BABAM2: variants seen among roughly 807,000 people sequenced by gnomAD.
BABAM2 encodes BRISC and BRCA1 A complex member 2.
BABAM2 carries 31 observed loss-of-function variants against 54.7 expected under a neutral mutation model. The ratio of observed to expected loss-of-function variants is 0.57; its 90% confidence interval spans 0.43 to 0.77. BABAM2 has a LOEUF of 0.77. Among genes scored for constraint, BABAM2 ranks in the 30% least tolerant of loss-of-function variants. The pLI is 0.00. For missense variants in BABAM2, 364 were observed against 455.8 expected (o/e 0.80, Z 1.83); for synonymous variants, 167 against 162.9 (o/e 1.03, Z -0.19).
intron 6 of BABAM2, among the ~76,000 whole-genome samples, chr2:28,076,274 A>G (rs532674024): frequency 2.2e-4 from 33 of 152,058 alleles, no homozygotes; most frequent in African/African-American, 7.7e-4. Context: ...ACCCTTTCTC[A>G]AAAAGAAAAG....
chr2:28,243,290 T>C (rs2148074189), intron 9 of BABAM2, among the ~76,000 whole-genome samples: 1 of 152,150 alleles, frequency 6.6e-6, no homozygotes, highest in African/African-American at 2.4e-5. Flanking sequence ...TCCCAGCACT[T>C]TGGGAGGCCG....
chr2:28,102,055 C>G (rs1403048537), intron 6 of BABAM2, among the ~76,000 whole-genome samples: 1 of 152,142 alleles, frequency 6.6e-6, no homozygotes, highest in Non-Finnish European at 1.5e-5. Context: ...GTTTTGAAGG[C>G]TATTTATGAA....
intron 7 of BABAM2, among the ~76,000 whole-genome samples, chr2:28,145,637 A>G (rs1028986796): frequency 3.9e-5 from 6 of 152,172 alleles, no homozygotes; most frequent in Non-Finnish European, 7.4e-5. Context: ...GGTTTTCAGT[A>G]TATTTGCAGA....
intron 4 of BABAM2, among the ~76,000 whole-genome samples, chr2:27,997,220 G>A (rs2148504847): frequency 6.6e-6 from 1 of 152,062 alleles, no homozygotes; most frequent in Admixed American, 6.5e-5. Context: ...ATATTCCTAA[G>A]GTAGAAATAA....
intron 4 of BABAM2, among the ~76,000 whole-genome samples, chr2:28,015,010 A>G (rs370251310): frequency 2.6e-5 from 4 of 152,204 alleles, no homozygotes; most frequent in African/African-American, 7.2e-5. Flanking sequence ...AATATTCATT[A>G]TTATTGAAGT....
At chr2:27,985,700 T>C (rs1573329812) in intron 3 of BABAM2, among the ~76,000 whole-genome samples, 1 of 152,184 alleles carries the variant, frequency 6.6e-6, no homozygotes, top group East Asian at 1.9e-4. Context: ...GGAAGATCAA[T>C]TATATGTACT....
intron 11 of BABAM2, chr2:28,310,087 A>G (rs757220689): frequency 6.2e-7 from 1 of 1,614,228 alleles, no homozygotes; most frequent in East Asian, 2.2e-5. Context: ...TACAGAAGAG[A>G]GAGCAACAGA....
intron 7 of BABAM2, among the ~76,000 whole-genome samples, chr2:28,131,073 A>ATTTTTTTTTTTT (rs1259022923): frequency 1.4e-4 from 1 of 7,316 alleles, no homozygotes; most frequent in Non-Finnish European, 3.9e-4. Context: ...TATTATTATT[A>ATTTTTTTTTTTT]TTATTATTTT....
chr2:28,084,401 G>T, intron 6 of BABAM2, among the ~76,000 whole-genome samples: 1 of 152,148 alleles, frequency 6.6e-6, no homozygotes, highest in Non-Finnish European at 1.5e-5. Flanking sequence ...ATGAATGTCA[G>T]TTATTATAGA....
rs1179413625 is a variant in BABAM2, at chr2:28,025,339, C to T, written c.414C>T (p.Leu138=). The change falls in exon 5 of 12, where the codon CTC becomes CTT. Residue 138 remains leucine (L), a synonymous_variant. Transcript: ENST00000379624. ...QCSRLRESSR[L]MFEYQTLLEE... Reference sequence around the variant, plus strand: ...GCCGCCTCCGGGAGAGCTCCCGCCTCATGTTTGAATACCAGACATTACTGG... The same window carrying T: ...GCCGCCTCCGGGAGAGCTCCCGCCTTATGTTTGAATACCAGACATTACTGG... 5 of 1,612,774 alleles carry T rather than the reference C, an allele frequency of 3.1e-6. No individual in the cohort carries two copies. The East Asian group carries it at 6.7e-5, about 22-fold the overall frequency.
At chr2:27,904,298 A>AG (rs540817174) in intron 2 of BABAM2, among the ~76,000 whole-genome samples, 39 of 152,332 alleles carry the variant, frequency 2.6e-4, no homozygotes, top group African/African-American at 8.7e-4. Context: ...ACCATAGATA[A>AG]GGGGGGACTA....
intron 10 of BABAM2, among the ~76,000 whole-genome samples, chr2:28,280,429 C>T (rs1215861373): frequency 3.3e-5 from 5 of 152,124 alleles, no homozygotes; most frequent in Non-Finnish European, 7.3e-5. Flanking sequence ...TGCTCTAACT[C>T]TCAGTGGTCT....
At chr2:28,127,260 A>G (rs2879030) in intron 6 of BABAM2, among the ~76,000 whole-genome samples, 106,654 of 152,068 alleles carry the variant, frequency 0.7, 37,861 homozygotes, top group Middle Eastern at 0.79. Context: ...CAAAGAGACA[A>G]GAAAAGACCA....
intron 11 of BABAM2, among the ~76,000 whole-genome samples, chr2:28,320,654 G>A (rs952197359): frequency 2.6e-5 from 4 of 152,200 alleles, no homozygotes; most frequent in African/African-American, 9.7e-5. Context: ...CACTCAGCGG[G>A]GTGCCTTCTA....
intron 6 of BABAM2, among the ~76,000 whole-genome samples, chr2:28,075,402 A>G (rs1177656349): frequency 1.3e-5 from 2 of 152,196 alleles, no homozygotes; most frequent in African/African-American, 2.4e-5. Context: ...CCTTTAGTAA[A>G]CAGTGGCTCC....
At chr2:28,267,729 G>A (rs1685104973) in intron 10 of BABAM2, among the ~76,000 whole-genome samples, 1 of 152,188 alleles carries the variant, frequency 6.6e-6, no homozygotes, top group South Asian at 2.1e-4. Flanking sequence ...GGGCCATAGG[G>A]GTCAGGCCCA....
intron 7 of BABAM2, among the ~76,000 whole-genome samples, chr2:28,141,248 C>G (rs1240477316): frequency 6.6e-6 from 1 of 152,006 alleles, no homozygotes; most frequent in African/African-American, 2.4e-5. Context: ...AGCATTTATT[C>G]AGTCTTCAAA....
At chr2:28,001,971 G>A (rs777524092) in intron 4 of BABAM2, among the ~76,000 whole-genome samples, 1 of 147,930 alleles carries the variant, frequency 6.8e-6, no homozygotes, top group Middle Eastern at 3.4e-3. Context: ...AAATGAAGAA[G>A]AAATTACTTC....
At chr2:28,327,395 C>A in intron 11 of BABAM2, 1 of 1,612,744 alleles carries the variant, frequency 6.2e-7, no homozygotes, top group South Asian at 1.1e-5. Flanking sequence ...CAGAGGGCCT[C>A]CTTGGAGGGC....
Sources: gnomAD v4.1 joint callset for allele counts (sites outside exome capture counted in the v4.1 genomes callset) on GRCh38, gnomAD v4.1.1 for gene constraint, MANE v1.5 for transcripts, NCBI Gene and HGNC (gene_info 2026-07-23, HGNC 2026-07-21) for gene names.